Variants in EBF1 observed in about 807,000 individuals in gnomAD.
EBF1 encodes the protein transcription factor COE1.
A neutral mutation model predicts 68.4 loss-of-function variants in EBF1; 10 were observed. The ratio of observed to expected loss-of-function variants is 0.15; its 90% CI spans 0.09 to 0.25. The LOEUF is 0.25. Ranked by LOEUF, EBF1 falls within the 10% of genes least tolerant of loss-of-function variation. The pLI, the probability that EBF1 is intolerant of heterozygous loss-of-function variation, is 1.00. For synonymous variants in EBF1, 298 were observed against 299.8 expected (o/e 0.99, Z 0.06); for missense variants, 509 against 794.4 (o/e 0.64, Z 4.32).
At chr5:158,872,200 T>C (rs538292191) in intron 6 of EBF1, among the ~76,000 whole-genome samples, 8 of 147,086 alleles carry the variant, frequency 5.4e-5, no homozygotes, top group Non-Finnish European at 1.1e-4. Context: ...TCTTTTCTTT[T>C]CTTTTTTTTT....
At chr5:158,941,488 G>A (rs1813377076) in intron 6 of EBF1, among the ~76,000 whole-genome samples, 1 of 152,132 alleles carries the variant, frequency 6.6e-6, no homozygotes, top group Non-Finnish European at 1.5e-5. Context: ...ACACACTCAT[G>A]CACACATTTA....
intron 6 of EBF1, among the ~76,000 whole-genome samples, chr5:159,059,127 C>G (rs1264482975): frequency 6.6e-6 from 1 of 152,144 alleles, no homozygotes; most frequent in African/African-American, 2.4e-5. Context: ...CTGGCTAAAA[C>G]CATGTCTGGA....
At chr5:158,710,428 G>A (rs1758941229) in intron 14 of EBF1, among the ~76,000 whole-genome samples, 1 of 152,146 alleles carries the variant, frequency 6.6e-6, no homozygotes, top group African/African-American at 2.4e-5. Flanking sequence ...TTCAGGTCAT[G>A]ATCGAAACAT....
At chr5:159,002,531 A>G (rs137975740) in intron 6 of EBF1, among the ~76,000 whole-genome samples, 28 of 152,362 alleles carry the variant, frequency 1.8e-4, no homozygotes, top group Middle Eastern at 6.8e-3. Flanking sequence ...CACCCTTTTC[A>G]AGCCAGAGTG....
intron 4 of EBF1, among the ~76,000 whole-genome samples, chr5:159,087,449 TATACACACACACAC>T (rs1561986880): frequency 6.0e-5 from 9 of 149,712 alleles, no homozygotes; most frequent in Non-Finnish European, 1.2e-4. Context: ...TACATATATA[TATACACACACACAC>T]ATATATACAC....
At chr5:158,871,947 A>C (rs1205898040) in intron 6 of EBF1, among the ~76,000 whole-genome samples, 1 of 152,230 alleles carries the variant, frequency 6.6e-6, no homozygotes, top group Non-Finnish European at 1.5e-5. Flanking sequence ...GCCTAAAAGA[A>C]GGCAGGTAGT....
chr5:158,712,053 G>A, intron 14 of EBF1, 101 bp downstream of exon 14: 1 of 1,394,748 alleles, frequency 7.2e-7, no homozygotes, highest in Non-Finnish European at 9.8e-7. Context: ...GGAAAGATGG[G>A]GGGCCTCAGA....
intron 7 of EBF1, among the ~76,000 whole-genome samples, chr5:158,824,929 A>G (rs1315789063): frequency 6.6e-6 from 1 of 152,258 alleles, no homozygotes; most frequent in Non-Finnish European, 1.5e-5. Flanking sequence ...TACTAGTAGC[A>G]TAAGGTTGAT....
At chr5:158,701,100 T>C (rs1756666909) in intron 15 of EBF1, among the ~76,000 whole-genome samples, 1 of 152,186 alleles carries the variant, frequency 6.6e-6, no homozygotes, top group Non-Finnish European at 1.5e-5. Flanking sequence ...TCTTTTCATC[T>C]GGGCTGGAGG....
chr5:158,843,536 C>A (rs904739772), intron 6 of EBF1, among the ~76,000 whole-genome samples: 5 of 152,202 alleles, frequency 3.3e-5, no homozygotes, highest in African/African-American at 1.2e-4. Flanking sequence ...CCCCGCCTGC[C>A]CCCTCAACAG....
chr5:158,759,142 G>A (rs1770822418), intron 10 of EBF1, among the ~76,000 whole-genome samples: 1 of 152,178 alleles, frequency 6.6e-6, no homozygotes, highest in Non-Finnish European at 1.5e-5. Flanking sequence ...CACAGTTTAA[G>A]ACTCAGTGAC....
chr5:158,926,802 T>C (rs1809809929), intron 6 of EBF1, among the ~76,000 whole-genome samples: 1 of 151,474 alleles, frequency 6.6e-6, no homozygotes, highest in Non-Finnish European at 1.5e-5. Flanking sequence ...TCCACAGCAA[T>C]GAAAATGCCC....
chr5:159,046,814 T>C (rs756465564), intron 6 of EBF1, among the ~76,000 whole-genome samples: 2 of 152,202 alleles, frequency 1.3e-5, no homozygotes, highest in Non-Finnish European at 2.9e-5. Flanking sequence ...CCCGGCTCTG[T>C]AGTGTTTGCC....
At chr5:158,920,301 A>C (rs1334975112) in intron 6 of EBF1, among the ~76,000 whole-genome samples, 2 of 152,194 alleles carry the variant, frequency 1.3e-5, no homozygotes, top group Non-Finnish European at 2.9e-5. Flanking sequence ...TAAATAACCA[A>C]ACTGAGATCC....
At chr5:159,084,223 C>T (rs1273184284) in intron 5 of EBF1, among the ~76,000 whole-genome samples, 2 of 151,856 alleles carry the variant, frequency 1.3e-5, no homozygotes, top group African/African-American at 2.4e-5. Flanking sequence ...GTGTGGACGT[C>T]ATATTTTCAA....
At chr5:158,979,424 G>T (rs1012694495) in intron 6 of EBF1, among the ~76,000 whole-genome samples, 2 of 152,114 alleles carry the variant, frequency 1.3e-5, no homozygotes, top group Admixed American at 1.3e-4. Context: ...TGTTGCAGTG[G>T]GTGTGTGTGT....
intron 6 of EBF1, among the ~76,000 whole-genome samples, chr5:158,919,481 TAA>T (rs759808241): frequency 2.4e-4 from 37 of 152,052 alleles, no homozygotes; most frequent in Non-Finnish European, 4.4e-4. Context: ...CAGAGAAACA[TAA>T]AGACACCAAA....
rs12332420 is a variant in EBF1 at position 158,808,030 on chromosome 5, C to G, written c.779-11555G>C. 7.5e-3 allele frequency among the ~76,000 whole-genome samples: 1,138 copies of G among 152,228 alleles called. 21 individuals carry two copies. Among genetic ancestry groups the G allele is most frequent in the African/African-American group, 0.026 (1,080 of 41,542 alleles). On this transcript the variant is annotated intron_variant, in intron 8 of 15. Transcript: ENST00000313708. ...TTCAGTGAACTTTCATTATTCAGAG[C>G]CTTATCATTTTGAGCCAGTTTCCTC...
At chr5:158,709,610 C>T (rs899687954) in intron 14 of EBF1, among the ~76,000 whole-genome samples, 5 of 152,214 alleles carry the variant, frequency 3.3e-5, no homozygotes, top group African/African-American at 4.8e-5. Flanking sequence ...GGGAAAATGA[C>T]CCCTTCTAAT....
Sources: allele counts gnomAD v4.1 joint callset (sites outside exome capture counted in the v4.1 genomes callset), GRCh38; gene constraint gnomAD v4.1.1; transcripts MANE v1.5; gene names NCBI Gene and HGNC (gene_info 2026-07-23, HGNC 2026-07-21).